The following CEP70 variants were observed in gnomAD, a reference collection of about 807,000 sequenced individuals.
CEP70 encodes centrosomal protein of 70 kDa.
CEP70 carries 70 observed loss-of-function variants against 90.9 expected under a neutral mutation model. The observed-to-expected ratio is 0.77, with a 90% CI of 0.64 to 0.94. The LOEUF (loss-of-function observed/expected upper bound fraction) is 0.94. Among genes scored for constraint, CEP70 ranks in the 40% least tolerant of loss-of-function variants. The pLI, the probability that CEP70 is intolerant of heterozygous loss-of-function variation, is 0.00. For missense variants in CEP70, 648 were observed against 669.0 expected, an observed-to-expected ratio of 0.97 and a Z score of 0.35; for synonymous variants, 220 against 228.3, an observed-to-expected ratio of 0.96 and a Z score of 0.33.
At chr3:138,545,178 T>C (rs2039088451) in intron 6 of CEP70, among the ~76,000 whole-genome samples, 1 of 152,098 alleles carries the variant, frequency 6.6e-6, no homozygotes, top group Admixed American at 6.5e-5. Context: ...AGCATGAAAA[T>C]TGTTGCGGGA....
chr3:138,543,611 T>C lies in CEP70; in HGVS notation c.466-6264A>G, dbSNP rs1041580493. ...GGTCCCCACTGGGATCACCTGTTCC[T>C]AGCCCCTGACAGCTCCATGGAGCAC... On this transcript the variant is annotated intron_variant, in intron 6 of 17. Transcript: ENST00000264982. Among the ~76,000 whole-genome samples the C allele has an allele frequency of 2.0e-5, 3 of 152,304 alleles. No individual in the cohort carries two copies. The South Asian group carries it at 6.2e-4, about 32-fold the overall frequency.
rs570644899 is a variant in CEP70, at chr3:138,522,759, G to A, written c.944+2731C>T. On this transcript the variant is annotated intron_variant, in intron 11 of 17. Transcript: ENST00000264982. ...AGCTTACCAACCAAAAAAAGTCCAG[G>A]ACCAGATGGATTCACAGCCAAATTC... Among the ~76,000 whole-genome samples the A allele has an allele frequency of 4.0e-4, 61 of 152,220 alleles. 1 individual carries two copies. Among genetic ancestry groups the A allele is most frequent in the Admixed American group, 3.9e-3 (59 of 15,282 alleles).
intron 2 of CEP70, among the ~76,000 whole-genome samples, chr3:138,587,430 T>C (rs2042157586): frequency 6.6e-6 from 1 of 151,878 alleles, no homozygotes; most frequent in African/African-American, 2.4e-5. Flanking sequence ...TTCAGGAAAC[T>C]TTCCTGATTT....
chr3:138,581,009 G>T (rs2041824011), intron 2 of CEP70, among the ~76,000 whole-genome samples: 1 of 152,076 alleles, frequency 6.6e-6, no homozygotes, highest in Non-Finnish European at 1.5e-5. Context: ...AACAGGCCGG[G>T]CATGGTGGCT....
intron 6 of CEP70, among the ~76,000 whole-genome samples, chr3:138,553,266 T>A (rs2039753204): frequency 6.6e-6 from 1 of 151,690 alleles, no homozygotes; most frequent in Non-Finnish European, 1.5e-5. Flanking sequence ...GATCACGAGG[T>A]CAGGAGATCG....
intron 11 of CEP70, among the ~76,000 whole-genome samples, chr3:138,524,612 C>A (rs1478917633): frequency 1.7e-4 from 26 of 150,290 alleles, no homozygotes; most frequent in Non-Finnish European, 1.9e-4. Flanking sequence ...AGGATATGAA[C>A]AGACACTTCT....
intron 3 of CEP70, among the ~76,000 whole-genome samples, chr3:138,571,702 A>G (rs1420939227): frequency 6.6e-6 from 1 of 152,208 alleles, no homozygotes; most frequent in Non-Finnish European, 1.5e-5. Context: ...CCCTGCTCAG[A>G]ATAAACAGCT....
At chr3:138,499,927 ATAATACT>A (rs1335490421) in intron 16 of CEP70, 176 bp downstream of exon 16, 12 of 541,228 alleles carry the variant, frequency 2.2e-5, no homozygotes, top group African/African-American at 2.1e-4. Context: ...GGAACTCTCG[ATAATACT>A]TATTTTAATT....
intron 2 of CEP70, 62 bp downstream of exon 2, chr3:138,591,792 A>G: frequency 7.3e-7 from 1 of 1,361,118 alleles, no homozygotes. Context: ...AGTACTCAAT[A>G]AATATTAGAT....
chr3:138,570,596 T>C, intron 5 of CEP70, 98 bp from the exon 6 acceptor site: 1 of 918,874 alleles, frequency 1.1e-6, no homozygotes, highest in East Asian at 2.8e-5. Flanking sequence ...CTAAAGTTTC[T>C]TTGCATTCTC....
intron 17 of CEP70, chr3:138,496,185 C>A (rs956142027): frequency 1.0e-6 from 1 of 985,426 alleles, no homozygotes; most frequent in African/African-American, 1.7e-5. Context: ...GTTAAGCCAT[C>A]ATTAATAAAC....
At position 138,549,590 on chromosome 3, in the gene CEP70, C is replaced by T. The variant is rs76085443; in HGVS notation, c.466-12243G>A. Among the ~76,000 whole-genome samples the T allele has an allele frequency of 3.0e-3, 461 of 152,176 alleles. 13 individuals carry two copies. The East Asian group carries it at 0.079, about 26-fold the overall frequency. ...CAAGGAGAATCTGAGCTCAGACACG[C>T]CTAACCCTGGCCCAACATGATGGTC... is the stretch of plus-strand genomic sequence containing the variant. On this transcript the variant is annotated intron_variant, in intron 6 of 17. Transcript: ENST00000264982.
chr3:138,524,430 G>A (rs2036998828), intron 11 of CEP70, among the ~76,000 whole-genome samples: 1 of 152,186 alleles, frequency 6.6e-6, no homozygotes, highest in East Asian at 1.9e-4. Flanking sequence ...CCATCAGAGT[G>A]AACAGAATGA....
chr3:138,541,635 T>A (rs557083796), intron 6 of CEP70, among the ~76,000 whole-genome samples: 9 of 152,222 alleles, frequency 5.9e-5, no homozygotes, highest in African/African-American at 2.2e-4. Context: ...TTGGTAAAAG[T>A]GAATATACAG....
intron 16 of CEP70, among the ~76,000 whole-genome samples, chr3:138,499,467 G>A (rs138929845): frequency 2.3e-3 from 355 of 152,274 alleles, no homozygotes; most frequent in African/African-American, 8.1e-3. Context: ...CTTACATGAT[G>A]TTGCTAACAA....
At chr3:138,566,815 A>ATG (rs2040824329) in intron 6 of CEP70, among the ~76,000 whole-genome samples, 2 of 151,682 alleles carry the variant, frequency 1.3e-5, no homozygotes, top group Non-Finnish European at 2.9e-5. Flanking sequence ...ATATATATAT[A>ATG]TATAAAAAAA....
rs556358285 is a variant in CEP70 at position 138,521,145 on chromosome 3, T to C, written c.944+4345A>G. ...CCCAAGCTGGAGTGCAGTGGCATGA[T>C]CTCGGCTCGCTACAACCTCCACCTC... On this transcript the variant is annotated intron_variant, in intron 11 of 17. Transcript: ENST00000264982. Among the ~76,000 whole-genome samples the C allele has an allele frequency of 2.6e-5, 4 of 152,288 alleles. No homozygotes were observed. In the South Asian group the frequency reaches 8.3e-4, roughly 32 times the overall value.
intron 5 of CEP70, among the ~76,000 whole-genome samples, 188 bp downstream of exon 5, chr3:138,570,846 T>C (rs2041123813): frequency 6.6e-6 from 1 of 152,158 alleles, no homozygotes; most frequent in Non-Finnish European, 1.5e-5. Context: ...AGAAGAAATA[T>C]AGGGTACCAT....
chr3:138,527,877 G>A (rs2037434074), intron 10 of CEP70, among the ~76,000 whole-genome samples: 2 of 151,884 alleles, frequency 1.3e-5, no homozygotes, highest in African/African-American at 4.8e-5. Flanking sequence ...TCTTGACTGT[G>A]ATTGTTAGGG....
Sources: gnomAD v4.1 joint callset for allele counts (sites outside exome capture counted in the v4.1 genomes callset) on GRCh38, gnomAD v4.1.1 for gene constraint, MANE v1.5 for transcripts, NCBI Gene and HGNC (gene_info 2026-07-23, HGNC 2026-07-21) for gene names.